Variants in MOK observed in about 807,000 individuals in gnomAD.
The protein encoded by MOK is MOK protein kinase.
Under a neutral mutation model 54.2 loss-of-function variants are expected in MOK, and 59 were observed. That is an observed-to-expected ratio of 1.09 (90% CI 0.88 to 1.35). MOK has a LOEUF of 1.35. MOK is among the 40% of genes most tolerant of loss of function. The pLI, the probability that MOK is intolerant of heterozygous loss-of-function variation, is 0.00. For synonymous variants in MOK, 210 were observed against 202.7 expected (o/e 1.04, Z -0.31); for missense variants, 517 against 526.2 (o/e 0.98, Z 0.17).
chr14:102,300,156 T>A (rs2071999890), intron 1 of MOK, among the ~76,000 whole-genome samples: 1 of 151,926 alleles, frequency 6.6e-6, no homozygotes, highest in Admixed American at 6.6e-5. Flanking sequence ...AAACCCGATC[T>A]CTACTAAAAA....
At position 102,229,547 on chromosome 14, in the gene MOK, G is replaced by C. The variant is rs770917264; in HGVS notation, c.1092C>G (p.Ser364=). The C allele has an allele frequency of 2.5e-6, 4 of 1,614,178 alleles. No individual in the cohort carries two copies. The Admixed American group carries it at 6.7e-5, about 27-fold the overall frequency. The part of the protein sequence containing the change: ...LSGVVRLSSY[S]SPTLQSVLGS... ...CAAGCACGGACTGCAGCGTGGGGCTGGAGTAAGACGACAGTCTGACCACTC... is the reference window on the plus strand; with the variant it reads ...CAAGCACGGACTGCAGCGTGGGGCTCGAGTAAGACGACAGTCTGACCACTC... Residue 364 remains serine (S), a synonymous_variant, in exon 11 of 12, where the codon TCC becomes TCG. Transcript: ENST00000361847.
At chr14:102,254,572 C>G (rs76846165) in intron 4 of MOK, among the ~76,000 whole-genome samples, 4 of 152,112 alleles carry the variant, frequency 2.6e-5, no homozygotes, top group African/African-American at 9.7e-5. Flanking sequence ...CGACTTACCC[C>G]GGCACTCAAG....
chr14:102,254,234 C>T (rs1267432397), intron 4 of MOK, among the ~76,000 whole-genome samples: 2 of 152,174 alleles, frequency 1.3e-5, no homozygotes, highest in Non-Finnish European at 2.9e-5. Flanking sequence ...GAGATCCGCC[C>T]GCCTCGGCCT....
At chr14:102,222,808 A>T (rs1567111605), downstream of MOK, 2 of 1,614,126 alleles carry the variant, frequency 1.2e-6, no homozygotes, top group East Asian at 2.2e-5. The surrounding 1 kb of genome is among the most constrained non-coding windows in gnomAD (Gnocchi z 4.4). Context: ...TGCTGGATTA[A>T]TGTAGACTGC....
intron 1 of MOK, among the ~76,000 whole-genome samples, chr14:102,290,414 T>C (rs1178249638): frequency 6.6e-6 from 1 of 150,890 alleles, no homozygotes; most frequent in Non-Finnish European, 1.5e-5. Flanking sequence ...CACTCCAGCC[T>C]GGGCAACAAG....
At chr14:102,303,608 G>A (rs2072474905) in intron 1 of MOK, among the ~76,000 whole-genome samples, 1 of 152,314 alleles carries the variant, frequency 6.6e-6, no homozygotes, top group South Asian at 2.1e-4. Context: ...AATATGGACT[G>A]TGTATCAGAG....
intron 6 of MOK, chr14:102,251,307 T>A (rs1409331403): frequency 2.5e-6 from 1 of 393,278 alleles, no homozygotes; most frequent in Non-Finnish European, 4.8e-6. Context: ...CCGGTCATGC[T>A]GCCAGCTTGC....
At chr14:102,237,758 C>G (rs1360523873) in intron 7 of MOK, among the ~76,000 whole-genome samples, 1 of 152,204 alleles carries the variant, frequency 6.6e-6, no homozygotes, top group Non-Finnish European at 1.5e-5. Context: ...GCCCCTGTAG[C>G]CTACCTCTCT....
intron 4 of MOK, among the ~76,000 whole-genome samples, chr14:102,255,399 C>A (rs751668894): frequency 6.6e-6 from 1 of 152,132 alleles, no homozygotes; most frequent in South Asian, 2.1e-4. Context: ...AACGGGCATG[C>A]GGGCCAGGAA....
chr14:102,226,649 C>T (rs1238114966), downstream of MOK, among the ~76,000 whole-genome samples: 1 of 152,174 alleles, frequency 6.6e-6, no homozygotes, highest in Non-Finnish European at 1.5e-5. The surrounding 1 kb of genome is among the most constrained non-coding windows in gnomAD (Gnocchi z 4.8). Flanking sequence ...GCCTGGGGAC[C>T]CTGACGCCTC....
chr14:102,283,229 TAAG>T (rs2069657838), intron 2 of MOK: 2 of 367,794 alleles, frequency 5.4e-6, no homozygotes, highest in Non-Finnish European at 4.9e-6. Context: ...ACAGACTGTT[TAAG>T]GTGAGACACA....
chr14:102,223,964 C>G (rs2064142966), downstream of MOK, among the ~76,000 whole-genome samples: 1 of 152,062 alleles, frequency 6.6e-6, no homozygotes, highest in African/African-American at 2.4e-5. Context: ...AAGCCTGTGA[C>G]CACACATAAC....
chr14:102,247,410 C>T lies in MOK; in HGVS notation c.590+3402G>A, dbSNP rs998100148. 8 of 152,220 alleles carry T rather than the reference C, an allele frequency of 5.3e-5. No individual in the cohort carries two copies. In the South Asian group the frequency reaches 6.2e-4, roughly 12 times the overall value. 9.4% of individuals were successfully genotyped at this position (152,220 alleles called of 1,614,324 possible). A position where few individuals can be genotyped will look rare whatever the true frequency, so the allele number is the denominator to read the frequency against. On this transcript the variant is annotated intron_variant, in intron 7 of 11. Transcript: ENST00000361847. ...AGGCACCTACCTGCACCCTGGTTTT[C>T]CTCACTCCAAAAATCAATGTTGCTC...
chr14:102,297,608 C>T (rs1176296177), intron 1 of MOK, among the ~76,000 whole-genome samples: 1 of 152,226 alleles, frequency 6.6e-6, no homozygotes, highest in Non-Finnish European at 1.5e-5. Flanking sequence ...GAGCCCCTCC[C>T]TGGGCTGGCC....
At chr14:102,254,116 T>C (rs896310147) in intron 4 of MOK, among the ~76,000 whole-genome samples, 1 of 152,016 alleles carries the variant, frequency 6.6e-6, no homozygotes, top group African/African-American at 2.4e-5. Flanking sequence ...TCTCGAGTAG[T>C]TGGAATTACA....
intron 7 of MOK, chr14:102,246,397 C>A (rs2066096844): frequency 6.6e-6 from 1 of 152,092 alleles, no homozygotes; most frequent in African/African-American, 2.4e-5. Flanking sequence ...TCACTATCTG[C>A]CTTTCTAACC....
intron 2 of MOK, among the ~76,000 whole-genome samples, chr14:102,272,075 T>C (rs1162871836): frequency 6.6e-6 from 1 of 152,128 alleles, no homozygotes; most frequent in East Asian, 1.9e-4. Context: ...GGTCTCATCT[T>C]GTCCAGGCTG....
chr14:102,299,492 G>A (rs2071903317), intron 1 of MOK, among the ~76,000 whole-genome samples: 1 of 151,522 alleles, frequency 6.6e-6, no homozygotes, highest in Admixed American at 6.6e-5. Context: ...TCCAGCCTGG[G>A]CAACAGAGTG....
At position 102,229,472 on chromosome 14, in the gene MOK, G is replaced by C. The variant is rs571028436; in HGVS notation, c.1167C>G (p.Ile389Met). 1 of 1,614,202 alleles carries C rather than the reference G, an allele frequency of 6.2e-7. No homozygotes were observed. The highest frequency in any genetic ancestry group is 1.7e-5 in the Admixed American group (1 of 60,024). ...TCCGCGCTACCTTCTTGCTCGCAGG[G>C]ATGCACTTCAAGGGTCTCAGCACCG... ...RVPVLRPLKC[I>M]PASKKTDPQK... The change falls in exon 11 of 12, where the codon ATC (isoleucine) becomes ATG (methionine). Residue 389 changes from isoleucine to methionine, a missense_variant. Transcript: ENST00000361847.
Sources: allele counts gnomAD v4.1 joint callset (sites outside exome capture counted in the v4.1 genomes callset), GRCh38; gene constraint gnomAD v4.1.1; non-coding constraint Gnocchi (gnomAD v3.1); transcripts MANE v1.5; gene names NCBI Gene and HGNC (gene_info 2026-07-23, HGNC 2026-07-21).